Variants in GLIS1 observed in about 807,000 individuals in gnomAD.
GLIS1 encodes zinc finger protein GLIS1.
GLIS1 carries 24 observed loss-of-function variants against 63.8 expected under a neutral mutation model. That is an observed-to-expected ratio of 0.38 (90% CI 0.27 to 0.53). The LOEUF (loss-of-function observed/expected upper bound fraction) is 0.53, where lower values mean the gene tolerates loss of function less well. Ranked by LOEUF, GLIS1 falls within the 20% of genes least tolerant of loss-of-function variation. The probability of loss-of-function intolerance (pLI) is 0.85; values close to 1 mark genes in which losing one functional copy is unlikely to be tolerated. For missense variants in GLIS1, 1,036 were observed against 1,074.1 expected, an observed-to-expected ratio of 0.96 and a Z score of 0.50; for synonymous variants, 450 against 482.5, an observed-to-expected ratio of 0.93 and a Z score of 0.88.
intron 2 of GLIS1, among the ~76,000 whole-genome samples, chr1:53,621,977 G>A (rs112864282): frequency 2.1e-4 from 32 of 152,196 alleles, no homozygotes; most frequent in African/African-American, 7.7e-4. Flanking sequence ...GTATTTTTTA[G>A]TAGAGATGGG....
intron 2 of GLIS1, among the ~76,000 whole-genome samples, chr1:53,633,539 G>A (rs927695310): frequency 9.2e-5 from 14 of 151,926 alleles, no homozygotes; most frequent in Admixed American, 5.2e-4. Flanking sequence ...GTGAATGTGT[G>A]TGACGGGGGA....
chr1:53,735,890 C>T (rs1646907920), intron 2 of GLIS1, among the ~76,000 whole-genome samples: 1 of 152,128 alleles, frequency 6.6e-6, no homozygotes, highest in Admixed American at 6.5e-5. Flanking sequence ...AAAAGCTTGC[C>T]TATAGCAACA....
intron 2 of GLIS1, among the ~76,000 whole-genome samples, chr1:53,724,531 AT>A (rs769056264): frequency 3.3e-5 from 5 of 152,098 alleles, no homozygotes; most frequent in Non-Finnish European, 5.9e-5. Flanking sequence ...CTTTTATTTT[AT>A]TTTGAGAGAT....
At chr1:53,551,866 GTA>G (rs1283826929) in intron 4 of GLIS1, among the ~76,000 whole-genome samples, 9 of 151,962 alleles carry the variant, frequency 5.9e-5, no homozygotes, top group African/African-American at 1.5e-4. Context: ...CTCCTCCTGT[GTA>G]TATGTCTGTC....
At chr1:53,676,932 C>G (rs1416502313) in intron 2 of GLIS1, among the ~76,000 whole-genome samples, 1 of 152,230 alleles carries the variant, frequency 6.6e-6, no homozygotes, top group East Asian at 1.9e-4. Flanking sequence ...TCAAATCCCA[C>G]TTACCGGTCC....
At chr1:53,713,897 C>T (rs1423367009) in intron 2 of GLIS1, among the ~76,000 whole-genome samples, 1 of 152,216 alleles carries the variant, frequency 6.6e-6, no homozygotes, top group East Asian at 1.9e-4. Context: ...AAGCCATTAG[C>T]TAATCCAGAG....
chr1:53,556,213 G>GGGGT (rs1553123427), intron 4 of GLIS1, among the ~76,000 whole-genome samples: 1 of 101,578 alleles, frequency 9.8e-6, no homozygotes, highest in Admixed American at 9.8e-5. Flanking sequence ...GTGTATTGCA[G>GGGGT]GTGTGTGTGT....
At chr1:53,709,409 T>TACACACAC (rs1288574790) in intron 2 of GLIS1, among the ~76,000 whole-genome samples, 28 of 9,172 alleles carry the variant, frequency 3.1e-3, no homozygotes, top group African/African-American at 4.6e-3. Flanking sequence ...TACATATATA[T>TACACACAC]ATACACACAC....
intron 2 of GLIS1, among the ~76,000 whole-genome samples, chr1:53,672,777 CCT>C (rs1646166512): frequency 6.6e-6 from 1 of 152,214 alleles, no homozygotes; most frequent in Non-Finnish European, 1.5e-5. Context: ...CCGACACAAA[CCT>C]CGAGTTTTCT....
chr1:53,569,602 T>A (rs1385855863), intron 4 of GLIS1, among the ~76,000 whole-genome samples: 1 of 152,244 alleles, frequency 6.6e-6, no homozygotes, highest in East Asian at 1.9e-4. Flanking sequence ...AGGTCTACTA[T>A]CATTATTTCT....
intron 2 of GLIS1, among the ~76,000 whole-genome samples, chr1:53,692,802 C>T (rs7544346): frequency 0.23 from 35,174 of 152,196 alleles, 4,161 homozygotes; most frequent in African/African-American, 0.28. Context: ...GGGCTGGAAC[C>T]CCACGCTTGC....
chr1:53,646,959 A>G lies in GLIS1; in HGVS notation c.260-46681T>C, dbSNP rs1465646376. Reference sequence around the variant, plus strand: ...AAGGAAGGAAAGGGAAGGGAAGGGAAGGAAAGGAAGGAAAGGAAGGAAAGG... The same window carrying G: ...AAGGAAGGAAAGGGAAGGGAAGGGAGGGAAAGGAAGGAAAGGAAGGAAAGG... On this transcript the variant is annotated intron_variant, in intron 2 of 10. Transcript: ENST00000628545. The surrounding 1 kb of genome is among the most constrained non-coding windows in gnomAD (Gnocchi z 4.2). Among the ~76,000 whole-genome samples the G allele has an allele frequency of 9.9e-6, 1 of 100,832 alleles. No individual in the cohort carries two copies. Among genetic ancestry groups the G allele is most frequent in the Non-Finnish European group, 2.1e-5 (1 of 48,204 alleles). The allele number at this position is 100,832 out of a possible 152,430, so 66.1% of individuals were successfully genotyped here. A position where few individuals can be genotyped will look rare whatever the true frequency, so the allele number is the denominator to read the frequency against.
chr1:53,642,121 A>G (rs1041349347), intron 2 of GLIS1, among the ~76,000 whole-genome samples: 1 of 152,188 alleles, frequency 6.6e-6, no homozygotes, highest in Admixed American at 6.5e-5. Context: ...GCCAGGCCAC[A>G]CCTACCCTGA....
chr1:53,619,631 G>A (rs886948097), intron 2 of GLIS1, among the ~76,000 whole-genome samples: 3 of 152,202 alleles, frequency 2.0e-5, no homozygotes, highest in African/African-American at 7.2e-5. Context: ...CATCCCCAGG[G>A]CTGGTGATTC....
At chr1:53,613,417 A>G (rs886844091) in intron 2 of GLIS1, among the ~76,000 whole-genome samples, 1 of 152,216 alleles carries the variant, frequency 6.6e-6, no homozygotes, top group Non-Finnish European at 1.5e-5. Flanking sequence ...AGAGTCAAAG[A>G]ATATGCAAAA....
chr1:53,649,970 G>C (rs1452656827), intron 2 of GLIS1, among the ~76,000 whole-genome samples: 2 of 152,146 alleles, frequency 1.3e-5, no homozygotes, highest in Non-Finnish European at 2.9e-5. Context: ...CCCAACCCCT[G>C]TGCTGTTCAA....
At chr1:53,581,093 A>G (rs1377588653) in intron 4 of GLIS1, among the ~76,000 whole-genome samples, 1 of 152,176 alleles carries the variant, frequency 6.6e-6, no homozygotes, top group Non-Finnish European at 1.5e-5. Flanking sequence ...GATGGTTTCT[A>G]TGTTCCTGTC....
Position 53,529,860 on chromosome 1 carries a change from G to A in GLIS1, c.1413C>T (p.His471=). Residue 471 remains histidine, a synonymous_variant, in exon 5 of 11, where the codon CAC becomes CAT. Coordinates refer to ENST00000628545, the MANE Select transcript of GLIS1 (RefSeq NM_001367484.1). ...HTGEKPYLCQ[H]PGCQKAFSNS... ...TGCTGAAGGCCTTCTGGCAACCCGG[G>A]TGCTGGCACAGGTACGGCTTCTCGC... is the stretch of plus-strand genomic sequence containing the variant. 6.2e-7 allele frequency: 1 copy of A among 1,613,924 alleles called. No homozygotes were observed. The highest frequency in any genetic ancestry group is 8.5e-7 in the Non-Finnish European group (1 of 1,179,992).
intron 9 of GLIS1, 130 bp downstream of exon 9, chr1:53,509,719 G>T: frequency 1.9e-6 from 1 of 530,288 alleles, no homozygotes; most frequent in Non-Finnish European, 3.0e-6. Context: ...GCTTCTCTCA[G>T]CCCCCAGTGC....
Sources: gnomAD v4.1 joint callset for allele counts (sites outside exome capture counted in the v4.1 genomes callset) on GRCh38, gnomAD v4.1.1 for gene constraint, Gnocchi (gnomAD v3.1) non-coding constraint, MANE v1.5 for transcripts, NCBI Gene and HGNC (gene_info 2026-07-23, HGNC 2026-07-21) for gene names.